The following ZNF536 variants were observed in gnomAD, a reference collection of about 807,000 sequenced individuals.
ZNF536 encodes the protein zinc finger protein 536.
In ZNF536, 13 loss-of-function variants were observed where a neutral mutation model predicts 84.5. The ratio of observed to expected loss-of-function variants is 0.15; its 90% CI spans 0.10 to 0.24. The LOEUF (loss-of-function observed/expected upper bound fraction) is 0.24. ZNF536 is among the 10% of genes least tolerant of loss of function. The probability of loss-of-function intolerance (pLI) is 1.00; values close to 1 mark genes in which losing one functional copy is unlikely to be tolerated. For synonymous variants in ZNF536, 811 were observed against 742.5 expected, an observed-to-expected ratio of 1.09 and a Z score of -1.50; for missense variants, 1,536 against 1,747.5, an observed-to-expected ratio of 0.88 and a Z score of 2.16.
chr19:30,474,955 C>T (rs537556245), intron 2 of ZNF536, among the ~76,000 whole-genome samples: 1 of 149,986 alleles, frequency 6.7e-6, no homozygotes, highest in East Asian at 2.0e-4. Context: ...CCTGTCCCTT[C>T]CCTTCCTCTC....
chr19:30,488,669 A>G (rs879872259), intron 2 of ZNF536, among the ~76,000 whole-genome samples: 4 of 152,082 alleles, frequency 2.6e-5, no homozygotes, highest in Non-Finnish European at 5.9e-5. Context: ...CTAAAAGGAA[A>G]GCAAGCCAGG....
intron 1 of ZNF536, among the ~76,000 whole-genome samples, chr19:30,638,241 G>T (rs967690758): frequency 3.9e-5 from 6 of 152,204 alleles, no homozygotes; most frequent in Admixed American, 1.3e-4. Context: ...TCCATCAGTC[G>T]TAAGGACTTT....
intron 1 of ZNF536, among the ~76,000 whole-genome samples, chr19:30,402,822 T>TATATATATATATATATATATATAA (rs1331644147): frequency 4.4e-4 from 63 of 142,526 alleles, no homozygotes; most frequent in Non-Finnish European, 8.4e-4. Flanking sequence ...TATATATATA[T>TATATATATATATATATATATATAA]AATTTTCAAA....
upstream of ZNF536, among the ~76,000 whole-genome samples, chr19:30,370,994 T>G (rs887530791): frequency 1.3e-5 from 2 of 152,226 alleles, no homozygotes; most frequent in African/African-American, 4.8e-5. Context: ...GTTATGGTAT[T>G]GATTGTGGTA....
chr19:30,480,174 G>A (rs1018377612), intron 2 of ZNF536, among the ~76,000 whole-genome samples: 1 of 152,180 alleles, frequency 6.6e-6, no homozygotes, highest in Non-Finnish European at 1.5e-5. Context: ...TCACGGGAGT[G>A]TGGAGATGAG....
chr19:30,410,574 A>G (rs1316434828), intron 1 of ZNF536, among the ~76,000 whole-genome samples: 2 of 143,836 alleles, frequency 1.4e-5, no homozygotes, highest in Middle Eastern at 4.1e-3. Flanking sequence ...TCCCGGGTTC[A>G]CGCCATTCTC....
At chr19:30,342,704 TC>T (rs1340062250) in intron 2 of ZNF536, among the ~76,000 whole-genome samples, 2 of 152,160 alleles carry the variant, frequency 1.3e-5, no homozygotes, top group Non-Finnish European at 2.9e-5. Flanking sequence ...GCATTTTGAA[TC>T]CTTATGAAAA....
intron 1 of ZNF536, among the ~76,000 whole-genome samples, chr19:30,628,590 G>A (rs148877295): frequency 0.022 from 3,282 of 152,110 alleles, 130 homozygotes; most frequent in African/African-American, 0.075. Flanking sequence ...CACCACGCCT[G>A]GCTAAGTTTT....
intron 2 of ZNF536, among the ~76,000 whole-genome samples, chr19:30,505,824 C>T (rs937626035): frequency 3.3e-5 from 5 of 151,930 alleles, no homozygotes; most frequent in Admixed American, 2.0e-4. Flanking sequence ...CGCCAACGCA[C>T]CCGGCTAATT....
Position 30,445,017 on chromosome 19 carries a change from G to A in ZNF536, c.1455G>A (p.Lys485=), listed in dbSNP as rs748875610. 3.2e-5 allele frequency: 51 copies of A among 1,611,858 alleles called. No homozygotes were observed. The highest frequency in any genetic ancestry group is 4.2e-5 in the Non-Finnish European group (50 of 1,178,994). Reference sequence around the variant, plus strand: ...CCCACGGCGTCCCGGAGGGGGACAAGCACTCCCTCCTGGGATGCCTCAATC... The same window carrying A: ...CCCACGGCGTCCCGGAGGGGGACAAACACTCCCTCCTGGGATGCCTCAATC... ...SMAHGVPEGD[K]HSLLGCLNLV... The change falls in exon 2 of 5, where the codon AAG becomes AAA. Residue 485 remains lysine (K), a synonymous_variant. Transcript: ENST00000355537. This position sits in a 1 kb window ranked among gnomAD's most constrained non-coding sequence, Gnocchi z 4.5.
chr19:30,389,511 C>A (rs1044608646), intron 1 of ZNF536, among the ~76,000 whole-genome samples: 3 of 152,114 alleles, frequency 2.0e-5, no homozygotes, highest in Non-Finnish European at 4.4e-5. Context: ...AATCTCTTAA[C>A]CTGTTCAGTA....
intron 1 of ZNF536, among the ~76,000 whole-genome samples, chr19:30,607,509 C>G (rs950604760): frequency 4.0e-5 from 6 of 151,866 alleles, no homozygotes; most frequent in African/African-American, 1.5e-4. Context: ...CACCTGAGGT[C>G]AGGAGTTTGA....
chr19:30,641,701 A>C (rs923529719), intron 1 of ZNF536, among the ~76,000 whole-genome samples: 1 of 152,300 alleles, frequency 6.6e-6, no homozygotes, highest in South Asian at 2.1e-4. Context: ...AAAGCAATGA[A>C]ATATTTATAT....
At chr19:30,455,383 G>C (rs2052791273) in intron 2 of ZNF536, among the ~76,000 whole-genome samples, 1 of 152,110 alleles carries the variant, frequency 6.6e-6, no homozygotes, top group African/African-American at 2.4e-5. Context: ...GATCGAATCA[G>C]GGTAATTGGG....
chr19:30,462,747 G>T (rs1329934211), intron 2 of ZNF536, among the ~76,000 whole-genome samples: 2 of 151,900 alleles, frequency 1.3e-5, no homozygotes, highest in Non-Finnish European at 2.9e-5. Flanking sequence ...GTGTTGGAAT[G>T]GGATAGGGTG....
At chr19:30,642,289 G>A (rs1172192178) in intron 1 of ZNF536, among the ~76,000 whole-genome samples, 1 of 152,156 alleles carries the variant, frequency 6.6e-6, no homozygotes, top group Non-Finnish European at 1.5e-5. Flanking sequence ...TATATTGGTT[G>A]TTGCAAAGTA....
intron 1 of ZNF536, among the ~76,000 whole-genome samples, chr19:30,593,054 A>G (rs555558258): frequency 6.6e-6 from 1 of 152,328 alleles, no homozygotes; most frequent in Non-Finnish European, 1.5e-5. Flanking sequence ...TTTCGTGCAA[A>G]CGCTGTCAGG....
At chr19:30,271,568 C>G (rs368078484) in intron 1 of ZNF536, among the ~76,000 whole-genome samples, 2 of 152,096 alleles carry the variant, frequency 1.3e-5, no homozygotes, top group Non-Finnish European at 2.9e-5. Context: ...GCGAAATGAG[C>G]AAAACCCCAC....
intron 2 of ZNF536, among the ~76,000 whole-genome samples, chr19:30,286,768 T>C (rs2045646416): frequency 6.6e-6 from 1 of 152,194 alleles, no homozygotes; most frequent in Admixed American, 6.5e-5. Context: ...CCCACATACA[T>C]GTATATATTT....
Sources: allele counts gnomAD v4.1 joint callset (sites outside exome capture counted in the v4.1 genomes callset), GRCh38; gene constraint gnomAD v4.1.1; non-coding constraint Gnocchi (gnomAD v3.1); transcripts MANE v1.5; gene names NCBI Gene and HGNC (gene_info 2026-07-23, HGNC 2026-07-21).